Variants in DENND6B observed in about 807,000 individuals in gnomAD.
DENND6B encodes the protein DENN domain containing 6B, also known as protein DENND6B.
Under a neutral mutation model 85.1 loss-of-function variants are expected in DENND6B, and 73 were observed. The observed-to-expected ratio is 0.86, with a 90% CI of 0.71 to 1.04. The LOEUF (loss-of-function observed/expected upper bound fraction) is 1.04. Ranked by LOEUF, DENND6B falls within the 50% of genes least tolerant of loss-of-function variation. The pLI is 0.00. For missense variants in DENND6B, 715 were observed against 785.8 expected (o/e 0.91, Z 1.08); for synonymous variants, 357 against 329.3 (o/e 1.08, Z -0.91).
At position 50,316,007 on chromosome 22, in the gene DENND6B, C is replaced by A; in HGVS notation, c.702+18G>T. On this transcript the variant is annotated intron_variant, in intron 8 of 19. Transcript: ENST00000413817. ...TGAAGCCCAGCTGTTTCAGCTCCAC[C>A]TCCGCCTCAGCTCCCACCTCTTGGT... The A allele has an allele frequency of 6.2e-7, 1 of 1,612,550 alleles. No individual in the cohort carries two copies. The highest frequency in any genetic ancestry group is 8.5e-7 in the Non-Finnish European group (1 of 1,179,760).
Position 50,312,095 on chromosome 22 carries a change from T to C in DENND6B, c.*44A>G. On this transcript the variant is annotated 3_prime_UTR_variant, in exon 20 of 20. Coordinates refer to ENST00000413817, the MANE Select transcript of DENND6B (RefSeq NM_001001794.4). ...CCGCCACCACTGGGGAGTGGGAGGCTCAGGCAGACCTAGGGCCCTGGGACC... is the reference window on the plus strand; with the variant it reads ...CCGCCACCACTGGGGAGTGGGAGGCCCAGGCAGACCTAGGGCCCTGGGACC... 2 of 1,599,590 alleles carry C rather than the reference T, an allele frequency of 1.3e-6. No homozygotes were observed. Among genetic ancestry groups the C allele is most frequent in the South Asian group, 2.2e-5 (2 of 89,814 alleles).
chr22:50,315,049 A>G (rs1008037653), intron 9 of DENND6B, 128 bp from the exon 10 acceptor site: 1 of 1,318,802 alleles, frequency 7.6e-7, no homozygotes, highest in Non-Finnish European at 1.0e-6. Flanking sequence ...TCCAGGGTGA[A>G]GACAGATCTA....
intron 1 of DENND6B, among the ~76,000 whole-genome samples, chr22:50,325,497 C>T (rs2042166237): frequency 1.3e-5 from 2 of 151,962 alleles, no homozygotes; most frequent in African/African-American, 2.4e-5. Flanking sequence ...CCACCTCGCC[C>T]GGCTAATTTC....
chr22:50,326,530 G>C (rs887916190), intron 1 of DENND6B, among the ~76,000 whole-genome samples: 2 of 152,218 alleles, frequency 1.3e-5, no homozygotes, highest in Admixed American at 6.5e-5. Context: ...GGGAATGGAG[G>C]GGGGAGATGT....
intron 9 of DENND6B, 63 bp from the exon 10 acceptor site, chr22:50,314,984 G>A (rs895424391): frequency 9.1e-5 from 144 of 1,585,668 alleles, no homozygotes; most frequent in Admixed American, 1.7e-4. Context: ...CTCTGGCCCC[G>A]CTCTCCCACC....
intron 5 of DENND6B, chr22:50,316,680 T>C (rs141303849): frequency 0.019 from 28,699 of 1,493,190 alleles, 320 homozygotes; most frequent in Non-Finnish European, 0.023. Flanking sequence ...CTGAACTCCC[T>C]GGGTGGCGGC....
In DENND6B at chr22:50,322,061, C is replaced by T. The variant is rs1276699485; in HGVS notation, c.178-3058G>A. ...TAACCAATATTAAAAAAAAAAAACT[C>T]TTTGGGGTCCTCAATAATTTTTTTT... On this transcript the variant is annotated intron_variant, in intron 1 of 19. Coordinates refer to ENST00000413817, the MANE Select transcript of DENND6B (RefSeq NM_001001794.4). 3.4e-5 allele frequency among the ~76,000 whole-genome samples: 5 copies of T among 147,570 alleles called. No individual in the cohort carries two copies. In the East Asian group the frequency reaches 1.0e-3, roughly 30 times the overall value.
Position 50,313,091 on chromosome 22 carries a change from C to A in DENND6B, c.1365G>T (p.Gln455His), listed in dbSNP as rs1193316098. 1 of 1,556,366 alleles carries A rather than the reference C, an allele frequency of 6.4e-7. No individual in the cohort carries two copies. The highest frequency in any genetic ancestry group is 2.4e-5 in the East Asian group (1 of 41,324). Residue 455 changes from glutamine to histidine, a missense_variant, in exon 17 of 20, where the codon CAG (glutamine) becomes CAT (histidine). By Grantham distance (24) the Gln-to-His change is conservative (BLOSUM62 0). Transcript: ENST00000413817. ...GCAGGAAGTCATCCTGGCTGAAGGG[C>A]TGGATCTGGGGGGGAGTCTGAGAGG... ...ITPWKTPPQI[Q>H]PFSQDDFLRS... is the part of the protein sequence containing the mutation.
At chr22:50,321,729 C>T (rs749230731) in intron 1 of DENND6B, among the ~76,000 whole-genome samples, 1 of 151,988 alleles carries the variant, frequency 6.6e-6, no homozygotes, top group African/African-American at 2.4e-5. Context: ...TGCAGTGGTG[C>T]GAACACAGCT....
Position 50,316,515 on chromosome 22 carries a change from C to A in DENND6B, c.454-40G>T, listed in dbSNP as rs1266476173. ...GGCCAGTTAGAGGCCCAGTGCCAGGCCTCACCCTCGCCACTCAGGAGCCCA... is the reference window on the plus strand; with the variant it reads ...GGCCAGTTAGAGGCCCAGTGCCAGGACTCACCCTCGCCACTCAGGAGCCCA... On this transcript the variant is annotated intron_variant, in intron 5 of 19. Coordinates refer to ENST00000413817, the MANE Select transcript of DENND6B (RefSeq NM_001001794.4). 7 of 1,551,554 alleles carry A rather than the reference C, an allele frequency of 4.5e-6. No homozygotes were observed. In the East Asian group the frequency reaches 1.5e-4, roughly 32 times the overall value.
Position 50,313,519 on chromosome 22 carries a change from G to T in DENND6B, c.1294-20C>A, listed in dbSNP as rs2068119504. Reference sequence around the variant, plus strand: ...GTGCTCCTGGGTGGGGAAGGGAGGGGAGTGAGCCCGGGGACCCATGCCCCC... The same window carrying T: ...GTGCTCCTGGGTGGGGAAGGGAGGGTAGTGAGCCCGGGGACCCATGCCCCC... On this transcript the variant is annotated intron_variant, in intron 15 of 19. Coordinates refer to ENST00000413817, the MANE Select transcript of DENND6B (RefSeq NM_001001794.4). The T allele has an allele frequency of 1.2e-5, 19 of 1,541,906 alleles. No individual in the cohort carries two copies. The highest frequency in any genetic ancestry group is 1.6e-5 in the Non-Finnish European group (18 of 1,142,476).
At position 50,316,483 on chromosome 22, in the gene DENND6B, G is replaced by A; in HGVS notation, c.454-8C>T. 1 of 1,565,318 alleles carries A rather than the reference G, an allele frequency of 6.4e-7. No individual in the cohort carries two copies. Among genetic ancestry groups the A allele is most frequent in the Non-Finnish European group, 8.6e-7 (1 of 1,156,518 alleles). On this transcript the variant is annotated splice_polypyrimidine_tract_variant and splice_region_variant and intron_variant, in intron 5 of 19. Transcript: ENST00000413817. ...GGACACCAGCACCAAAGACTGCAGG[G>A]CCACGGGGCCAGTTAGAGGCCCAGT... is the stretch of plus-strand genomic sequence containing the variant.
At chr22:50,314,517 G>A in intron 11 of DENND6B, 23 bp from the exon 12 acceptor site, 1 of 1,555,266 alleles carries the variant, frequency 6.4e-7, no homozygotes, top group Non-Finnish European at 8.7e-7. Flanking sequence ...AGAGAGAGAA[G>A]AGGCAGAGAC....
Position 50,319,038 on chromosome 22 carries a change from C to T in DENND6B, c.178-35G>A, listed in dbSNP as rs758382975. Reference sequence around the variant, plus strand: ...AAGACAGAGTGCTTGGTGACACCATCTGTCCGAGGAGGCGACACCCCTCGA... The same window carrying T: ...AAGACAGAGTGCTTGGTGACACCATTTGTCCGAGGAGGCGACACCCCTCGA... On this transcript the variant is annotated intron_variant, in intron 1 of 19. Transcript: ENST00000413817. 6 of 1,575,914 alleles carry T rather than the reference C, an allele frequency of 3.8e-6. No individual in the cohort carries two copies. In the South Asian group the frequency reaches 7.0e-5, roughly 18 times the overall value.
chr22:50,318,078 T>A, intron 3 of DENND6B, 58 bp from the exon 4 acceptor site: 1 of 1,563,504 alleles, frequency 6.4e-7, no homozygotes, highest in Non-Finnish European at 8.7e-7. Context: ...CTGCAGGCCC[T>A]GGAGCTGGTG....
chr22:50,321,205 G>A (rs1257101520), intron 1 of DENND6B, among the ~76,000 whole-genome samples: 7 of 152,084 alleles, frequency 4.6e-5, no homozygotes, highest in African/African-American at 1.7e-4. Context: ...TGGGATCCCG[G>A]GGGTCACAGC....
intron 1 of DENND6B, among the ~76,000 whole-genome samples, chr22:50,322,668 G>A (rs1182715692): frequency 6.6e-6 from 1 of 151,938 alleles, no homozygotes; most frequent in African/African-American, 2.4e-5. Flanking sequence ...TCTTGCCTCA[G>A]CCTCCAGATA....
At chr22:50,314,116 T>C in intron 13 of DENND6B, 91 bp downstream of exon 13, 1 of 1,445,118 alleles carries the variant, frequency 6.9e-7, no homozygotes, top group Non-Finnish European at 9.2e-7. Context: ...ATCAGGGGTC[T>C]GGGGGCCTGG....
At chr22:50,326,791 C>T in intron 1 of DENND6B, 21 bp downstream of exon 1, 3 of 1,370,362 alleles carry the variant, frequency 2.2e-6, no homozygotes, top group Non-Finnish European at 2.8e-6. Context: ...CCCGCCCGCG[C>T]CCGCGCTCGC....
Sources: gnomAD v4.1 joint callset for allele counts (sites outside exome capture counted in the v4.1 genomes callset) on GRCh38, gnomAD v4.1.1 for gene constraint, MANE v1.5 for transcripts, NCBI Gene and HGNC (gene_info 2026-07-23, HGNC 2026-07-21) for gene names.